The following COL25A1 variants were observed in gnomAD, a reference collection of about 807,000 sequenced individuals.
COL25A1 encodes collagen type XXV alpha 1 chain.
Under a neutral mutation model 128.4 loss-of-function variants are expected in COL25A1, and 103 were observed. The observed-to-expected ratio is 0.80, with a 90% CI of 0.68 to 0.94. The LOEUF is 0.94. Among genes scored for constraint, COL25A1 ranks in the 40% least tolerant of loss-of-function variants. The pLI is 0.00. For missense variants in COL25A1, 745 were observed against 840.0 expected, an observed-to-expected ratio of 0.89 and a Z score of 1.40; for synonymous variants, 279 against 277.2, an observed-to-expected ratio of 1.01 and a Z score of -0.06.
intron 16 of COL25A1, among the ~76,000 whole-genome samples, chr4:108,891,612 G>A (rs903429292): frequency 6.6e-6 from 1 of 152,016 alleles, no homozygotes; most frequent in African/African-American, 2.4e-5. Context: ...TGAAATAAAG[G>A]GGGCAGATAT....
At chr4:108,986,064 G>A (rs1239745937) in intron 6 of COL25A1, among the ~76,000 whole-genome samples, 1 of 152,094 alleles carries the variant, frequency 6.6e-6, no homozygotes, top group African/African-American at 2.4e-5. Context: ...CTATTGCCAA[G>A]TCCTATAGAT....
intron 6 of COL25A1, among the ~76,000 whole-genome samples, chr4:108,977,071 T>C (rs1752507584): frequency 6.6e-6 from 1 of 152,204 alleles, no homozygotes. Context: ...CACAAAGTAT[T>C]GGAACACAGC....
chr4:109,257,610 T>C (rs1304767883), intron 3 of COL25A1, among the ~76,000 whole-genome samples: 1 of 152,212 alleles, frequency 6.6e-6, no homozygotes, highest in African/African-American at 2.4e-5. Flanking sequence ...CTCTATTAGT[T>C]AGGCTGCTTC....
intron 18 of COL25A1, among the ~76,000 whole-genome samples, chr4:108,885,663 A>G (rs1341546633): frequency 6.6e-6 from 1 of 152,186 alleles, no homozygotes; most frequent in Non-Finnish European, 1.5e-5. Context: ...GAGCTTGTAC[A>G]TATTTTTTGC....
intron 3 of COL25A1, among the ~76,000 whole-genome samples, chr4:109,159,467 C>G (rs1772352291): frequency 6.6e-6 from 1 of 152,042 alleles, no homozygotes. Flanking sequence ...TCCTCTGCAC[C>G]CCACGCTTTC....
At chr4:109,008,026 C>T (rs551168645) in intron 6 of COL25A1, among the ~76,000 whole-genome samples, 14 of 152,138 alleles carry the variant, frequency 9.2e-5, no homozygotes, top group African/African-American at 3.4e-4. Flanking sequence ...TTTAATTTCC[C>T]AAGTCTTTCT....
rs563951857 is a variant in COL25A1 at position 109,280,862 on chromosome 4, G to A, written c.367+19721C>T. On this transcript the variant is annotated intron_variant, in intron 3 of 37. Transcript: ENST00000399132. ...TAGTTTCACCATGTTGGCCAGGCTG[G>A]TCTCGAACTCCTGACCTTGTGATCC... is the stretch of plus-strand genomic sequence containing the variant. Among the ~76,000 whole-genome samples the A allele has an allele frequency of 3.3e-5, 5 of 152,138 alleles. No homozygotes were observed. In the South Asian group the frequency reaches 1.0e-3, roughly 32 times the overall value.
rs1579208524 is a variant in COL25A1, at chr4:109,051,441, C to T, written c.368-1262G>A. 3.3e-5 allele frequency among the ~76,000 whole-genome samples: 5 copies of T among 152,124 alleles called. No homozygotes were observed. The South Asian group carries it at 1.0e-3, about 32-fold the overall frequency. Reference sequence around the variant, plus strand: ...AGCTTTGTAGCAAAGTCCAAAACTGCCAATAGAAATTTCAGATTTCTTTCT... The same window carrying T: ...AGCTTTGTAGCAAAGTCCAAAACTGTCAATAGAAATTTCAGATTTCTTTCT... On this transcript the variant is annotated intron_variant, in intron 3 of 37. Transcript: ENST00000399132.
At chr4:109,180,744 G>A (rs936334378) in intron 3 of COL25A1, among the ~76,000 whole-genome samples, 9 of 152,004 alleles carry the variant, frequency 5.9e-5, no homozygotes, top group Admixed American at 5.9e-4. Context: ...AGGCTTGAAG[G>A]AAGAGTCCAT....
intron 5 of COL25A1, among the ~76,000 whole-genome samples, chr4:109,012,813 C>T (rs1368868680): frequency 1.3e-5 from 2 of 152,196 alleles, no homozygotes; most frequent in African/African-American, 4.8e-5. Context: ...CCCCCTGCTC[C>T]GCAGCACCCA....
intron 3 of COL25A1, among the ~76,000 whole-genome samples, chr4:109,252,586 C>G (rs1016976201): frequency 2.6e-5 from 4 of 152,210 alleles, no homozygotes; most frequent in African/African-American, 9.6e-5. Context: ...TTTGCCCATT[C>G]AGGTGGGTCT....
chr4:108,985,557 T>A (rs1307616659), intron 6 of COL25A1, among the ~76,000 whole-genome samples: 1 of 152,178 alleles, frequency 6.6e-6, no homozygotes, highest in Non-Finnish European at 1.5e-5. Flanking sequence ...CATACTGATC[T>A]TGGGGACATT....
At chr4:109,084,474 C>A (rs994812502) in intron 3 of COL25A1, among the ~76,000 whole-genome samples, 2 of 152,198 alleles carry the variant, frequency 1.3e-5, no homozygotes, top group African/African-American at 2.4e-5. Context: ...CTTTTCACTG[C>A]AAATTCACAA....
intron 4 of COL25A1, among the ~76,000 whole-genome samples, chr4:109,049,048 C>G (rs1760732349): frequency 6.6e-6 from 1 of 151,992 alleles, no homozygotes; most frequent in South Asian, 2.1e-4. Flanking sequence ...AAATAAGCAA[C>G]TACACTGCTC....
chr4:108,860,780 G>T, intron 23 of COL25A1, 147 bp downstream of exon 23: 1 of 675,282 alleles, frequency 1.5e-6, no homozygotes, highest in Non-Finnish European at 2.6e-6. Flanking sequence ...GGAGGTAGGG[G>T]TGTTTCAGGA....
intron 3 of COL25A1, among the ~76,000 whole-genome samples, chr4:109,265,259 AGC>A (rs1781710949): frequency 6.6e-6 from 1 of 152,168 alleles, no homozygotes; most frequent in Non-Finnish European, 1.5e-5. Context: ...AACATTCGGG[AGC>A]TGAAACACTG....
intron 6 of COL25A1, among the ~76,000 whole-genome samples, chr4:108,997,410 C>G (rs561691782): frequency 6.6e-6 from 1 of 152,128 alleles, no homozygotes; most frequent in South Asian, 2.1e-4. Flanking sequence ...TACAACCTCC[C>G]AAAACTAAAC....
chr4:109,296,293 T>C (rs1240483177), intron 3 of COL25A1, among the ~76,000 whole-genome samples: 2 of 152,092 alleles, frequency 1.3e-5, no homozygotes, highest in Non-Finnish European at 2.9e-5. Flanking sequence ...AAAAGAATTA[T>C]ACTTTTTTCT....
chr4:108,915,423 G>C (rs950150560), intron 13 of COL25A1, among the ~76,000 whole-genome samples: 1 of 152,062 alleles, frequency 6.6e-6, no homozygotes, highest in Admixed American at 6.6e-5. Flanking sequence ...TTGGTCTCAA[G>C]CTCCTGAGCT....
Sources: allele counts gnomAD v4.1 joint callset (sites outside exome capture counted in the v4.1 genomes callset), GRCh38; gene constraint gnomAD v4.1.1; transcripts MANE v1.5; gene names NCBI Gene and HGNC (gene_info 2026-07-23, HGNC 2026-07-21).